PLPPR1: variants seen among roughly 807,000 people sequenced by gnomAD.
PLPPR1 encodes phospholipid phosphatase related 1.
A neutral mutation model predicts 33.1 loss-of-function variants in PLPPR1; 10 were observed. That is an observed-to-expected ratio of 0.30 (90% confidence interval 0.19 to 0.51). The LOEUF is 0.51. PLPPR1 is among the 20% of genes least tolerant of loss of function. The pLI, the probability that PLPPR1 is intolerant of heterozygous loss-of-function variation, is 0.97. For synonymous variants in PLPPR1, 151 were observed against 151.0 expected, an observed-to-expected ratio of 1.00 and a Z score of 0.00; for missense variants, 304 against 408.1, an observed-to-expected ratio of 0.74 and a Z score of 2.20.
intron 2 of PLPPR1, among the ~76,000 whole-genome samples, chr9:101,187,028 G>A (rs551462507): frequency 1.3e-5 from 2 of 151,970 alleles, no homozygotes; most frequent in African/African-American, 4.8e-5. Flanking sequence ...TATACATATT[G>A]TGGGTTCTGG....
At chr9:101,052,362 G>A (rs1830232077) in intron 1 of PLPPR1, among the ~76,000 whole-genome samples, 1 of 152,184 alleles carries the variant, frequency 6.6e-6, no homozygotes, top group Non-Finnish European at 1.5e-5. Context: ...GGGGGAAGGA[G>A]TAGAGCTATG....
chr9:101,086,880 TAAA>T (rs1477562271), intron 1 of PLPPR1, among the ~76,000 whole-genome samples: 2 of 152,006 alleles, frequency 1.3e-5, no homozygotes, highest in African/African-American at 4.8e-5. Flanking sequence ...CAGCCCCAAA[TAAA>T]AAAATATTTG....
intron 1 of PLPPR1, among the ~76,000 whole-genome samples, chr9:101,046,708 G>A: frequency 6.6e-6 from 1 of 152,016 alleles, no homozygotes; most frequent in East Asian, 1.9e-4. Context: ...CTCCCAAAGT[G>A]CTGGGATTAC....
chr9:101,177,895 A>C (rs1826041227), intron 1 of PLPPR1, among the ~76,000 whole-genome samples: 1 of 152,154 alleles, frequency 6.6e-6, no homozygotes, highest in Non-Finnish European at 1.5e-5. Flanking sequence ...AAAAATCTGG[A>C]TTGGTATAAT....
At chr9:101,271,977 T>A (rs1409151423) in intron 3 of PLPPR1, among the ~76,000 whole-genome samples, 1 of 152,296 alleles carries the variant, frequency 6.6e-6, no homozygotes, top group Non-Finnish European at 1.5e-5. Flanking sequence ...ATAAATTAAA[T>A]GTACATCTGC....
chr9:101,206,148 A>G lies in PLPPR1; in HGVS notation c.63+20591A>G, dbSNP rs549218192. On this transcript the variant is annotated intron_variant, in intron 2 of 7. Transcript: ENST00000374874. ...ATTTCTCAAAAATGATGGGATTGAAAAAGATTTTAAAACTATTGACCTGTA... is the reference window on the plus strand; with the variant it reads ...ATTTCTCAAAAATGATGGGATTGAAGAAGATTTTAAAACTATTGACCTGTA... 2.6e-5 allele frequency among the ~76,000 whole-genome samples: 4 copies of G among 152,328 alleles called. No homozygotes were observed. In the South Asian group the frequency reaches 8.3e-4, roughly 32 times the overall value.
intron 1 of PLPPR1, among the ~76,000 whole-genome samples, chr9:101,181,763 T>C (rs112365115): frequency 0.058 from 8,480 of 145,950 alleles, 866 homozygotes; most frequent in African/African-American, 0.2. Context: ...ACAACACACA[T>C]ACATATATAC....
chr9:101,212,605 CTT>C (rs1291959976), intron 2 of PLPPR1, among the ~76,000 whole-genome samples: 2 of 152,106 alleles, frequency 1.3e-5, no homozygotes, highest in Admixed American at 6.5e-5. Flanking sequence ...TGATCAAACT[CTT>C]GAGAGAAAAA....
intron 3 of PLPPR1, among the ~76,000 whole-genome samples, chr9:101,276,780 G>T (rs1426199364): frequency 6.6e-6 from 1 of 152,338 alleles, no homozygotes; most frequent in East Asian, 1.9e-4. Context: ...GGTGGATGTG[G>T]CCTCTGGAGT....
intron 2 of PLPPR1, among the ~76,000 whole-genome samples, chr9:101,221,812 C>A (rs1313520674): frequency 6.6e-6 from 1 of 152,124 alleles, no homozygotes; most frequent in Non-Finnish European, 1.5e-5. Context: ...AGAGAATATA[C>A]ATTTGCTAAG....
intron 2 of PLPPR1, among the ~76,000 whole-genome samples, chr9:101,227,433 G>T (rs192661881): frequency 6.6e-6 from 1 of 152,090 alleles, no homozygotes; most frequent in Non-Finnish European, 1.5e-5. Context: ...TAGGTTGGTT[G>T]TTGGCTGCAT....
chr9:101,100,284 G>GT (rs1830881918), intron 1 of PLPPR1, among the ~76,000 whole-genome samples: 1 of 152,118 alleles, frequency 6.6e-6, no homozygotes, highest in South Asian at 2.1e-4. Context: ...TGGGGTGGCA[G>GT]TGATTATTTT....
At chr9:101,140,748 G>A (rs960039793) in intron 1 of PLPPR1, among the ~76,000 whole-genome samples, 1 of 152,118 alleles carries the variant, frequency 6.6e-6, no homozygotes, top group Admixed American at 6.6e-5. Context: ...AATGAGTTGT[G>A]GGGAGGATGA....
intron 1 of PLPPR1, among the ~76,000 whole-genome samples, chr9:101,060,754 T>C (rs1455230399): frequency 1.3e-5 from 2 of 151,922 alleles, no homozygotes; most frequent in African/African-American, 2.4e-5. Flanking sequence ...CTCTCTAAAG[T>C]TGTCACTTTA....
Position 101,189,360 on chromosome 9 carries a change from A to G in PLPPR1, c.63+3803A>G, listed in dbSNP as rs919223915. On this transcript the variant is annotated intron_variant, in intron 2 of 7. Transcript: ENST00000374874. ...AGGTTATGGAGACCAAAATTTTATC[A>G]TACAGATGAAGCCTCCAGGTAGCAG... is the stretch of plus-strand genomic sequence containing the variant. Among the ~76,000 whole-genome samples the G allele has an allele frequency of 2.0e-5, 3 of 152,138 alleles. No homozygotes were observed. The South Asian group carries it at 6.2e-4, about 32-fold the overall frequency.
At chr9:101,274,565 G>T (rs1050433500) in intron 3 of PLPPR1, among the ~76,000 whole-genome samples, 2 of 152,192 alleles carry the variant, frequency 1.3e-5, no homozygotes, top group Admixed American at 6.5e-5. Flanking sequence ...TACATGAGCA[G>T]CAGCAAGACA....
chr9:101,288,688 T>C (rs941579071), intron 4 of PLPPR1, among the ~76,000 whole-genome samples: 1 of 152,312 alleles, frequency 6.6e-6, no homozygotes, highest in Non-Finnish European at 1.5e-5. Flanking sequence ...TGGGAACTTG[T>C]TAGAAATTCT....
intron 6 of PLPPR1, among the ~76,000 whole-genome samples, chr9:101,315,731 C>T (rs1829039376): frequency 6.6e-6 from 1 of 152,172 alleles, no homozygotes; most frequent in Non-Finnish European, 1.5e-5. Context: ...CACAGACACA[C>T]ACAAAGCTGG....
chr9:101,154,990 T>G (rs1831658282), intron 1 of PLPPR1, among the ~76,000 whole-genome samples: 1 of 147,592 alleles, frequency 6.8e-6, no homozygotes, highest in South Asian at 2.3e-4. Context: ...AGGGATAGCA[T>G]TAGGAGATAT....
Sources: allele counts gnomAD v4.1 joint callset (sites outside exome capture counted in the v4.1 genomes callset), GRCh38; gene constraint gnomAD v4.1.1; transcripts MANE v1.5; gene names NCBI Gene and HGNC (gene_info 2026-07-23, HGNC 2026-07-21).